COL26A1: variants seen among roughly 807,000 people sequenced by gnomAD.
The protein encoded by COL26A1 is collagen alpha-1(XXVI) chain.
COL26A1 carries 41 observed loss-of-function variants against 59.3 expected under a neutral mutation model. That is an observed-to-expected ratio of 0.69 (90% confidence interval 0.54 to 0.90). COL26A1 has a LOEUF of 0.90. COL26A1 is among the 40% of genes least tolerant of loss of function. COL26A1 has a pLI of 0.00. For synonymous variants in COL26A1, 266 were observed against 256.0 expected, an observed-to-expected ratio of 1.04 and a Z score of -0.37; for missense variants, 612 against 602.3, an observed-to-expected ratio of 1.02 and a Z score of -0.17.
chr7:101,490,659 C>A (rs1183449063), intron 3 of COL26A1, among the ~76,000 whole-genome samples: 1 of 151,748 alleles, frequency 6.6e-6, no homozygotes, highest in East Asian at 2.0e-4. Context: ...GGAGATTGCA[C>A]CATTGCACTC....
At chr7:101,489,880 T>G (rs1327878558) in intron 3 of COL26A1, among the ~76,000 whole-genome samples, 1 of 65,994 alleles carries the variant, frequency 1.5e-5, no homozygotes, top group Non-Finnish European at 3.1e-5. Context: ...CTTTCTTTCT[T>G]TCTTTCTTTC....
At chr7:101,386,268 T>G (rs55638697) in intron 1 of COL26A1, among the ~76,000 whole-genome samples, 8,833 of 147,966 alleles carry the variant, frequency 0.06, 270 homozygotes, top group Non-Finnish European at 0.076. Flanking sequence ...TTTTTTTTTT[T>G]TTTTTTTTTT....
intron 1 of COL26A1, among the ~76,000 whole-genome samples, chr7:101,378,079 A>G (rs997078561): frequency 1.3e-5 from 2 of 152,024 alleles, no homozygotes; most frequent in African/African-American, 4.8e-5. Flanking sequence ...CTAATTTATC[A>G]TTTAAAAATT....
At chr7:101,456,740 T>C (rs1191007511) in intron 3 of COL26A1, among the ~76,000 whole-genome samples, 3 of 152,170 alleles carry the variant, frequency 2.0e-5, no homozygotes, top group Non-Finnish European at 4.4e-5. Context: ...GGTCTCAAAC[T>C]CCTGGTTTCA....
chr7:101,373,155 T>C (rs1401722940), intron 1 of COL26A1, among the ~76,000 whole-genome samples: 1 of 151,904 alleles, frequency 6.6e-6, no homozygotes, highest in Non-Finnish European at 1.5e-5. Context: ...GGAAGGATAG[T>C]GGAAGGAGGG....
chr7:101,405,733 G>A (rs765323209), intron 1 of COL26A1, among the ~76,000 whole-genome samples: 48 of 152,134 alleles, frequency 3.2e-4, no homozygotes, highest in Non-Finnish European at 6.0e-4. Flanking sequence ...TATTAATGGC[G>A]GTAGTTGGGG....
chr7:101,461,953 G>A (rs1288691450), intron 3 of COL26A1, among the ~76,000 whole-genome samples: 1 of 151,530 alleles, frequency 6.6e-6, no homozygotes, highest in Non-Finnish European at 1.5e-5. Flanking sequence ...GCCTGTTATG[G>A]TGATGGTGAG....
At chr7:101,551,407 T>C (rs1369668128) in intron 10 of COL26A1, among the ~76,000 whole-genome samples, 3 of 152,176 alleles carry the variant, frequency 2.0e-5, no homozygotes, top group Non-Finnish European at 2.9e-5. Flanking sequence ...TGGCCTTTCA[T>C]TCATGCGCTG....
intron 1 of COL26A1, among the ~76,000 whole-genome samples, chr7:101,405,301 G>T (rs923554095): frequency 6.6e-6 from 1 of 151,628 alleles, no homozygotes; most frequent in Admixed American, 6.6e-5. Flanking sequence ...CTTCTGGTAA[G>T]GAAAGGAGAC....
At chr7:101,367,535 C>T (rs1193101339) in intron 1 of COL26A1, among the ~76,000 whole-genome samples, 1 of 95,158 alleles carries the variant, frequency 1.1e-5, no homozygotes, top group African/African-American at 7.0e-5. Flanking sequence ...CGTGGTGGTG[C>T]ACACCGGTAG....
chr7:101,444,928 C>T (rs748248416), intron 2 of COL26A1, among the ~76,000 whole-genome samples: 15 of 152,174 alleles, frequency 9.9e-5, no homozygotes, highest in Non-Finnish European at 8.8e-5. Context: ...ACTGCAACCT[C>T]CACCTCCCAG....
At chr7:101,430,436 G>A (rs1383258865) in intron 2 of COL26A1, among the ~76,000 whole-genome samples, 9 of 151,550 alleles carry the variant, frequency 5.9e-5, no homozygotes, top group Admixed American at 6.6e-5. Context: ...TTACAGGCAC[G>A]CAGCACTGCA....
chr7:101,516,740 A>G (rs1311117520), intron 3 of COL26A1, among the ~76,000 whole-genome samples: 5 of 152,194 alleles, frequency 3.3e-5, no homozygotes, highest in Non-Finnish European at 7.3e-5. Context: ...TCTCAGGGTC[A>G]CACAGCGTGT....
At chr7:101,463,799 C>G (rs1158207200) in intron 3 of COL26A1, among the ~76,000 whole-genome samples, 1 of 104,976 alleles carries the variant, frequency 9.5e-6, no homozygotes, top group Admixed American at 1.1e-4. Context: ...CTTTCTTTCT[C>G]TCTCTCTTTC....
intron 3 of COL26A1, among the ~76,000 whole-genome samples, chr7:101,515,077 G>GC (rs1445560930): frequency 6.6e-6 from 1 of 152,192 alleles, no homozygotes; most frequent in Non-Finnish European, 1.5e-5. Flanking sequence ...CGCCAGCCCT[G>GC]CCCACGGGGC....
intron 3 of COL26A1, among the ~76,000 whole-genome samples, chr7:101,515,499 G>T (rs1795010317): frequency 6.6e-6 from 1 of 152,024 alleles, no homozygotes; most frequent in African/African-American, 2.4e-5. Context: ...GGCCAGGCTG[G>T]TCTGGAACTG....
chr7:101,457,167 C>A (rs1254558444), intron 3 of COL26A1, among the ~76,000 whole-genome samples: 1 of 151,978 alleles, frequency 6.6e-6, no homozygotes, highest in Non-Finnish European at 1.5e-5. Flanking sequence ...GCACTGAGTC[C>A]AACACTGGGT....
At chr7:101,481,640 G>T (rs562725743) in intron 3 of COL26A1, among the ~76,000 whole-genome samples, 1 of 151,608 alleles carries the variant, frequency 6.6e-6, no homozygotes, top group South Asian at 2.1e-4. Context: ...TTGTAGAAAC[G>T]GGGTCACGCT....
intron 3 of COL26A1, among the ~76,000 whole-genome samples, chr7:101,474,725 C>A (rs942183384): frequency 3.3e-5 from 5 of 152,216 alleles, no homozygotes; most frequent in African/African-American, 1.2e-4. Context: ...ATAGTTAATA[C>A]CCCTGTGACA....
Sources: gnomAD v4.1 joint callset for allele counts (sites outside exome capture counted in the v4.1 genomes callset) on GRCh38, gnomAD v4.1.1 for gene constraint, MANE v1.5 for transcripts, NCBI Gene and HGNC (gene_info 2026-07-23, HGNC 2026-07-21) for gene names.